The following ANKS1B variants were observed in gnomAD, a reference collection of about 807,000 sequenced individuals.
ANKS1B encodes ankyrin repeat and sterile alpha motif domain-containing protein 1B.
In ANKS1B, 36 loss-of-function variants were observed where a neutral mutation model predicts 148.3. That is an observed-to-expected ratio of 0.24 (90% CI 0.19 to 0.32). The LOEUF (loss-of-function observed/expected upper bound fraction) is 0.32. Ranked by LOEUF, ANKS1B falls within the 10% of genes least tolerant of loss-of-function variation. The pLI is 1.00. For missense variants in ANKS1B, 1,157 were observed against 1,542.6 expected (o/e 0.75, Z 4.19); for synonymous variants, 542 against 560.8 (o/e 0.97, Z 0.47).
intron 12 of ANKS1B, among the ~76,000 whole-genome samples, chr12:99,366,767 C>T (rs2092793324): frequency 6.6e-6 from 1 of 151,956 alleles, no homozygotes; most frequent in Non-Finnish European, 1.5e-5. Flanking sequence ...TCCCTTATAT[C>T]CTAAGAGTGA....
chr12:99,069,155 T>C (rs1424658734), intron 16 of ANKS1B, among the ~76,000 whole-genome samples: 1 of 152,114 alleles, frequency 6.6e-6, no homozygotes, highest in Non-Finnish European at 1.5e-5. Flanking sequence ...TGCATGGCCG[T>C]GTGGGTGTTT....
intron 12 of ANKS1B, among the ~76,000 whole-genome samples, chr12:99,373,469 C>T (rs2093246268): frequency 6.6e-6 from 1 of 152,110 alleles, no homozygotes; most frequent in Non-Finnish European, 1.5e-5. Flanking sequence ...GTTGCAATGG[C>T]CCATCCTCCC....
At chr12:99,903,851 T>A (rs2093685246) in intron 1 of ANKS1B, among the ~76,000 whole-genome samples, 1 of 152,090 alleles carries the variant, frequency 6.6e-6, no homozygotes, top group Non-Finnish European at 1.5e-5. Flanking sequence ...CTTACTCATA[T>A]AACCTAATAC....
At chr12:98,822,838 C>T (rs2099210242) in intron 19 of ANKS1B, among the ~76,000 whole-genome samples, 1 of 152,096 alleles carries the variant, frequency 6.6e-6, no homozygotes, top group South Asian at 2.1e-4. Context: ...GTATCAAAGC[C>T]TGAAAAAGAA....
chr12:99,646,047 CTTAAA>C (rs1355079852), intron 9 of ANKS1B, among the ~76,000 whole-genome samples: 1 of 141,480 alleles, frequency 7.1e-6, no homozygotes, highest in Non-Finnish European at 1.5e-5. Flanking sequence ...AAAAAAGGCA[CTTAAA>C]TTAAATTTTG....
intron 12 of ANKS1B, among the ~76,000 whole-genome samples, chr12:99,287,552 A>G (rs2079310117): frequency 6.6e-6 from 1 of 152,202 alleles, no homozygotes; most frequent in Non-Finnish European, 1.5e-5. Context: ...TGACCTCACA[A>G]GACAAACTAA....
intron 17 of ANKS1B, among the ~76,000 whole-genome samples, chr12:98,864,995 G>A (rs1388478116): frequency 6.6e-6 from 1 of 152,118 alleles, no homozygotes; most frequent in Non-Finnish European, 1.5e-5. Context: ...TGCTCGCCTT[G>A]TAAATCTTCA....
intron 8 of ANKS1B, among the ~76,000 whole-genome samples, chr12:99,731,001 A>C (rs755437975): frequency 4.6e-5 from 7 of 152,096 alleles, no homozygotes; most frequent in Non-Finnish European, 1.0e-4. Context: ...CAATGTTGTT[A>C]TCTCCGCTCA....
chr12:98,740,462 G>A (rs1462976377), downstream of ANKS1B, among the ~76,000 whole-genome samples: 2 of 152,214 alleles, frequency 1.3e-5, no homozygotes, highest in African/African-American at 4.8e-5. Flanking sequence ...GATGTTTGGT[G>A]TGCATATTAA....
chr12:98,844,361 G>C (rs1449388315), intron 17 of ANKS1B, among the ~76,000 whole-genome samples: 1 of 152,126 alleles, frequency 6.6e-6, no homozygotes, highest in Non-Finnish European at 1.5e-5. Context: ...TTTTGATTAA[G>C]CCCAGTTTCT....
intron 4 of ANKS1B, among the ~76,000 whole-genome samples, chr12:99,787,487 T>C (rs1368902826): frequency 6.6e-6 from 1 of 152,180 alleles, no homozygotes; most frequent in Non-Finnish European, 1.5e-5. Flanking sequence ...GGAGACATAC[T>C]AATAGGAGAC....
At chr12:99,455,062 G>A (rs2095822857) in intron 10 of ANKS1B, among the ~76,000 whole-genome samples, 1 of 152,086 alleles carries the variant, frequency 6.6e-6, no homozygotes, top group African/African-American at 2.4e-5. Flanking sequence ...CTGGTTTTGA[G>A]TCCCATTTTA....
intron 12 of ANKS1B, among the ~76,000 whole-genome samples, chr12:99,268,479 G>T (rs1282275219): frequency 6.6e-6 from 1 of 152,170 alleles, no homozygotes; most frequent in African/African-American, 2.4e-5. Context: ...CATGCAAGTG[G>T]TTTGGCTGTT....
chr12:99,920,260 G>A (rs1206919278), intron 1 of ANKS1B, among the ~76,000 whole-genome samples: 6 of 152,002 alleles, frequency 3.9e-5, no homozygotes, highest in Non-Finnish European at 7.4e-5. Flanking sequence ...AACTCCCAGC[G>A]AAAAATGTCC....
chr12:98,792,658 T>C (rs550981562), intron 22 of ANKS1B, among the ~76,000 whole-genome samples: 16 of 152,340 alleles, frequency 1.1e-4, no homozygotes, highest in Non-Finnish European at 2.1e-4. Context: ...TCTACTTGTA[T>C]GAGATCAACT....
In ANKS1B at chr12:99,632,727, C is replaced by CTAGATATATATATATA. The variant is rs1419756181; in HGVS notation, c.1272+22339_1272+22340insTATATATATATATCTA. Among the ~76,000 whole-genome samples, 90 of 39,038 alleles carry CTAGATATATATATATA rather than the reference C, an allele frequency of 2.3e-3. 3 individuals are homozygous for CTAGATATATATATATA. The highest frequency in any genetic ancestry group is 0.01 in the East Asian group (10 of 982). The allele number at this position is 39,038 out of a possible 152,430, so 25.6% of individuals were successfully genotyped here. A position where few individuals can be genotyped will look rare whatever the true frequency, so the allele number is the denominator to read the frequency against. On this transcript the variant is annotated intron_variant, in intron 9 of 26. Coordinates refer to ENST00000683438, the MANE Select transcript of ANKS1B (RefSeq NM_001352186.2). Reference sequence around the variant, plus strand: ...TTTGGCCTGTGTCTTCCTTTTCTTTCTATATATATATATATATATATATAT... The same window carrying CTAGATATATATATATA: ...TTTGGCCTGTGTCTTCCTTTTCTTTCTAGATATATATATATATATATATATATATATATATATATAT...
At chr12:98,860,763 C>A (rs992551843) in intron 17 of ANKS1B, among the ~76,000 whole-genome samples, 4 of 152,114 alleles carry the variant, frequency 2.6e-5, no homozygotes, top group African/African-American at 9.7e-5. Flanking sequence ...ACAGCTAATG[C>A]ATGTTGGGCT....
At chr12:98,862,294 G>A (rs1005726718) in intron 17 of ANKS1B, among the ~76,000 whole-genome samples, 2 of 152,016 alleles carry the variant, frequency 1.3e-5, no homozygotes, top group East Asian at 1.9e-4. Context: ...CATGTATTGC[G>A]GGAGAGTTAT....
Position 98,829,143 on chromosome 12 carries a change from A to G in ANKS1B, c.3066+31T>C. 4 of 1,613,318 alleles carry G rather than the reference A, an allele frequency of 2.5e-6. No homozygotes were observed. The South Asian group carries it at 3.3e-5, about 13-fold the overall frequency. On this transcript the variant is annotated intron_variant, in intron 19 of 26. Transcript: ENST00000683438. This position sits in a 1 kb window ranked among gnomAD's most constrained non-coding sequence, Gnocchi z 5.2. ...TAAAAGGCATTACCTGATATGGTTG[A>G]AAAATATCACAAAGGCTTATAACAC... is the stretch of plus-strand genomic sequence containing the variant.
Sources: allele counts gnomAD v4.1 joint callset (sites outside exome capture counted in the v4.1 genomes callset), GRCh38; gene constraint gnomAD v4.1.1; non-coding constraint Gnocchi (gnomAD v3.1); transcripts MANE v1.5; gene names NCBI Gene and HGNC (gene_info 2026-07-23, HGNC 2026-07-21).